PCM1: variants seen among roughly 807,000 people sequenced by gnomAD.
PCM1 encodes pericentriolar material 1, also known as pericentriolar material 1 protein.
Under a neutral mutation model 241.9 loss-of-function variants are expected in PCM1, and 157 were observed. That is an observed-to-expected ratio of 0.65 (90% CI 0.57 to 0.74). PCM1 has a LOEUF of 0.74. PCM1 is among the 30% of genes least tolerant of loss of function. PCM1 has a pLI of 0.00. For synonymous variants in PCM1, 1,085 were observed against 784.9 expected, an observed-to-expected ratio of 1.38 and a Z score of -6.39; for missense variants, 3,478 against 2,360.1, an observed-to-expected ratio of 1.47 and a Z score of -9.81.
intron 13 of PCM1, among the ~76,000 whole-genome samples, chr8:17,959,525 G>T (rs1398256508): frequency 1.3e-5 from 2 of 152,030 alleles, no homozygotes; most frequent in African/African-American, 4.8e-5. Flanking sequence ...TGGAGAAGTG[G>T]AACTACTATG....
At chr8:18,026,997 A>T (rs1319030283) in intron 38 of PCM1, among the ~76,000 whole-genome samples, 1 of 152,206 alleles carries the variant, frequency 6.6e-6, no homozygotes. Flanking sequence ...TTTCTGTATG[A>T]GTCTAATAAC....
chr8:17,955,374 T>C, intron 9 of PCM1, 96 bp from the exon 10 acceptor site: 1 of 788,566 alleles, frequency 1.3e-6, no homozygotes, highest in South Asian at 2.2e-5. Context: ...GTTGTTAATT[T>C]TTACTTTTTA....
chr8:18,001,808 A>G (rs1409211205), intron 29 of PCM1, among the ~76,000 whole-genome samples: 1 of 151,968 alleles, frequency 6.6e-6, no homozygotes, highest in Non-Finnish European at 1.5e-5. Flanking sequence ...TTGAGAGAAG[A>G]GAGATCTTTG....
rs1431219241 is a variant in PCM1, at chr8:17,985,407, C to T, written c.4109-40C>T. 6 of 1,412,850 alleles carry T rather than the reference C, an allele frequency of 4.2e-6. No individual in the cohort carries two copies. The East Asian group carries it at 1.3e-4, about 30-fold the overall frequency. 87.5% of individuals were successfully genotyped at this position (1,412,850 alleles called of 1,614,324 possible). ...GCTAATAAAAGTTGTCATGAAGGTA[C>T]TTCATCAATATTAACTTTCTGGTCT... On this transcript the variant is annotated intron_variant, in intron 24 of 38. Coordinates refer to ENST00000325083, the MANE Select transcript of PCM1 (RefSeq NM_006197.4).
intron 6 of PCM1, among the ~76,000 whole-genome samples, chr8:17,942,075 T>C (rs2062250804): frequency 6.6e-6 from 1 of 152,176 alleles, no homozygotes; most frequent in Non-Finnish European, 1.5e-5. Context: ...TTAACAAAGG[T>C]TTTGAAATGT....
intron 6 of PCM1, among the ~76,000 whole-genome samples, chr8:17,942,254 G>A (rs2062313614): frequency 6.6e-6 from 1 of 152,106 alleles, no homozygotes; most frequent in Non-Finnish European, 1.5e-5. Flanking sequence ...ATCACCTGAG[G>A]TCAGGGGTTT....
intron 24 of PCM1, among the ~76,000 whole-genome samples, chr8:17,983,880 G>A (rs2081770128): frequency 6.6e-6 from 1 of 152,080 alleles, no homozygotes; most frequent in African/African-American, 2.4e-5. Flanking sequence ...GAACCTTTAG[G>A]GGAATCTAAA....
rs146003886 is a variant in PCM1 at position 18,015,962 on chromosome 8, C to T, written c.5841+1122C>T. 1.3e-3 allele frequency among the ~76,000 whole-genome samples: 201 copies of T among 152,330 alleles called. 1 individual carries two copies. The highest frequency in any genetic ancestry group is 4.6e-3 in the African/African-American group (192 of 41,578). On this transcript the variant is annotated intron_variant, in intron 36 of 38. Coordinates refer to ENST00000325083, the MANE Select transcript of PCM1 (RefSeq NM_006197.4). ...GGAGTGCAGTGGCGCGATCTCGGCT[C>T]ACTGCAACCTCTGCCTCCTGGGTTC... is the stretch of plus-strand genomic sequence containing the variant.
chr8:17,925,160 A>G (rs2056428598), intron 2 of PCM1: 1 of 152,218 alleles, frequency 6.6e-6, no homozygotes, highest in African/African-American at 2.4e-5. Context: ...GCTGTTCATG[A>G]ACTCTACTTG....
intron 2 of PCM1, chr8:17,925,142 A>G (rs1395309119): frequency 1.3e-5 from 2 of 152,248 alleles, no homozygotes; most frequent in Non-Finnish European, 2.9e-5. Context: ...CAACATTCCT[A>G]TTAATTGGCT....
chr8:18,015,520 G>C (rs879480766), intron 36 of PCM1, among the ~76,000 whole-genome samples: 2 of 148,416 alleles, frequency 1.3e-5, no homozygotes, highest in Non-Finnish European at 2.9e-5. Context: ...GAAGGTACTT[G>C]ATAAAAGACA....
chr8:17,958,058 A>T (rs1563920791), intron 13 of PCM1, among the ~76,000 whole-genome samples: 1 of 152,200 alleles, frequency 6.6e-6, no homozygotes, highest in Non-Finnish European at 1.5e-5. Context: ...GAGAATGATT[A>T]TTTGCCAATA....
intron 7 of PCM1, among the ~76,000 whole-genome samples, chr8:17,948,373 C>A (rs531365604): frequency 7.7e-6 from 1 of 130,698 alleles, no homozygotes; most frequent in East Asian, 2.2e-4. Context: ...GGCATGTTCT[C>A]GGCTCACTGC....
Position 17,957,727 on chromosome 8 carries a change from T to A in PCM1, c.1992T>A (p.Ala664=), listed in dbSNP as rs376738945. ...EFEQKINRLM[A]AKQKLRQLQD... is the part of the protein sequence containing the mutation. ...AACAGAAGATCAACCGACTTATGGC[T>A]GCAAAACAGAAACTTAGACAGTTAC... is the stretch of plus-strand genomic sequence containing the variant. Residue 664 remains alanine (A), a synonymous_variant, in exon 13 of 39, where the codon GCT becomes GCA. Coordinates refer to ENST00000325083, the MANE Select transcript of PCM1 (RefSeq NM_006197.4). 6.2e-7 allele frequency: 1 copy of A among 1,613,602 alleles called. No homozygotes were observed. Among genetic ancestry groups the A allele is most frequent in the Non-Finnish European group, 8.5e-7 (1 of 1,179,792 alleles).
intron 23 of PCM1, among the ~76,000 whole-genome samples, chr8:17,977,938 A>G (rs1334614530): frequency 1.3e-5 from 2 of 152,210 alleles, no homozygotes; most frequent in Non-Finnish European, 2.9e-5. Flanking sequence ...ATAACAGTGC[A>G]TATAAAAGGG....
intron 22 of PCM1, among the ~76,000 whole-genome samples, chr8:17,971,955 G>A (rs1309049942): frequency 1.3e-5 from 2 of 151,770 alleles, no homozygotes; most frequent in African/African-American, 2.4e-5. Flanking sequence ...AACTTGTCTG[G>A]GCTGGTCTTG....
chr8:18,009,531 G>T lies in PCM1; in HGVS notation c.4963-16G>T, dbSNP rs1335591253. The T allele has an allele frequency of 4.6e-6, 7 of 1,536,600 alleles. No individual in the cohort carries two copies. Among genetic ancestry groups the T allele is most frequent in the Non-Finnish European group, 6.2e-6 (7 of 1,128,986 alleles). ...GTTTACTGTCTTTAAAAATTATTTG[G>T]TTTATCTTTGAATAGGATTCACTGG... On this transcript the variant is annotated splice_polypyrimidine_tract_variant and intron_variant, in intron 30 of 38. Transcript: ENST00000325083.
intron 10 of PCM1, chr8:17,955,907 C>A (rs1222580000): frequency 2.1e-6 from 1 of 485,736 alleles, no homozygotes; most frequent in African/African-American, 2.0e-5. Context: ...AATAAGATTA[C>A]AGTTAAAATA....
At chr8:17,975,005 A>G (rs2078235337) in intron 23 of PCM1, among the ~76,000 whole-genome samples, 1 of 152,172 alleles carries the variant, frequency 6.6e-6, no homozygotes, top group African/African-American at 2.4e-5. Flanking sequence ...GTGGACAAGC[A>G]GCATTACATC....
Sources: gnomAD v4.1 joint callset for allele counts (sites outside exome capture counted in the v4.1 genomes callset) on GRCh38, gnomAD v4.1.1 for gene constraint, MANE v1.5 for transcripts, NCBI Gene and HGNC (gene_info 2026-07-23, HGNC 2026-07-21) for gene names.